ALPK2: variants seen among roughly 807,000 people sequenced by gnomAD.
The protein encoded by ALPK2 is alpha-protein kinase 2.
In ALPK2, 127 loss-of-function variants were observed where a neutral mutation model predicts 163.1. The observed-to-expected ratio is 0.78, with a 90% confidence interval of 0.67 to 0.90. ALPK2 has a LOEUF of 0.90. Ranked by LOEUF, ALPK2 falls within the 40% of genes least tolerant of loss-of-function variation. The probability of loss-of-function intolerance (pLI) is 0.00; values close to 1 mark genes in which losing one functional copy is unlikely to be tolerated. For missense variants in ALPK2, 2,360 were observed against 2,589.6 expected, an observed-to-expected ratio of 0.91 and a Z score of 1.92; for synonymous variants, 953 against 959.1, an observed-to-expected ratio of 0.99 and a Z score of 0.12.
chr18:58,621,307 C>T (rs775520385), intron 1 of ALPK2, among the ~76,000 whole-genome samples: 2 of 150,048 alleles, frequency 1.3e-5, no homozygotes, highest in South Asian at 2.1e-4. Context: ...CGGAGTCTCG[C>T]TCTGTCACCC....
chr18:58,620,294 A>G (rs565047114), intron 1 of ALPK2, among the ~76,000 whole-genome samples: 120 of 152,356 alleles, frequency 7.9e-4, no homozygotes, highest in African/African-American at 2.8e-3. Context: ...CCTTCTCAAA[A>G]CAAAAAAACA....
intron 4 of ALPK2, among the ~76,000 whole-genome samples, chr18:58,550,984 A>C (rs1299109532): frequency 6.6e-6 from 1 of 151,284 alleles, no homozygotes; most frequent in African/African-American, 2.4e-5. Flanking sequence ...CCCTACCTCT[A>C]TCATATACAA....
At chr18:58,486,665 C>T (rs1252986305) in intron 12 of ALPK2, among the ~76,000 whole-genome samples, 1 of 152,208 alleles carries the variant, frequency 6.6e-6, no homozygotes, top group Non-Finnish European at 1.5e-5. Flanking sequence ...CTGTCTTTCT[C>T]AGGTGCAGAC....
Position 58,515,106 on chromosome 18 carries a change from G to A in ALPK2, c.5941-25C>T, listed in dbSNP as rs1277008563. 1.9e-6 allele frequency: 3 copies of A among 1,565,406 alleles called. No individual in the cohort carries two copies. The African/African-American group carries it at 4.1e-5, about 21-fold the overall frequency. ...CCTATATCGCCAAAATACATAGAAA[G>A]CCCCAGTGACTACAGGAAATTCAGA... On this transcript the variant is annotated intron_variant, in intron 9 of 12. Coordinates refer to ENST00000361673, the MANE Select transcript of ALPK2 (RefSeq NM_052947.4).
chr18:58,524,647 G>A (rs978395299), intron 6 of ALPK2, among the ~76,000 whole-genome samples: 7 of 152,204 alleles, frequency 4.6e-5, no homozygotes, highest in African/African-American at 1.4e-4. Context: ...GATGATGACA[G>A]TGATGATGAT....
At chr18:58,602,994 G>A (rs2052078955) in intron 3 of ALPK2, among the ~76,000 whole-genome samples, 1 of 152,180 alleles carries the variant, frequency 6.6e-6, no homozygotes, top group Non-Finnish European at 1.5e-5. Flanking sequence ...AAAAATAGGA[G>A]GCACCCTCAG....
In ALPK2 at chr18:58,503,927, T is replaced by A. The variant is rs1568068293; in HGVS notation, c.6247+4A>T. The A allele has an allele frequency of 6.2e-7, 1 of 1,611,152 alleles. No individual in the cohort carries two copies. Among genetic ancestry groups the A allele is most frequent in the Non-Finnish European group, 8.5e-7 (1 of 1,178,302 alleles). ...TGGAGCCTGGGCTAAGCTGCTTTCC[T>A]CACCTTGCATGTCCGTCACCAGGAG... On this transcript the variant is annotated splice_donor_region_variant and intron_variant, in intron 11 of 12. Transcript: ENST00000361673.
intron 1 of ALPK2, among the ~76,000 whole-genome samples, chr18:58,624,329 G>A (rs1196241772): frequency 6.6e-6 from 1 of 152,206 alleles, no homozygotes; most frequent in Non-Finnish European, 1.5e-5. Flanking sequence ...CCAAAACAGA[G>A]ATGAGCAGAG....
In ALPK2 at chr18:58,481,909, G is replaced by A; in HGVS notation, c.6427C>T (p.Pro2143Ser). Residue 2143 changes from proline to serine, a missense_variant, in exon 13 of 13, where the codon CCG becomes TCG. Coordinates refer to ENST00000361673, the MANE Select transcript of ALPK2 (RefSeq NM_052947.4). ...LQNNNQKQKQPSIGKSKVQTN... is the reference protein window; with the variant it reads ...LQNNNQKQKQSSIGKSKVQTN... ...TGAACTTTGCTTTTCCCAATGCTCGGCTGCTTCTGTTTCTGGTTGTTGTTT... is the reference window on the plus strand; with the variant it reads ...TGAACTTTGCTTTTCCCAATGCTCGACTGCTTCTGTTTCTGGTTGTTGTTT... 1 of 1,614,130 alleles carries A rather than the reference G, an allele frequency of 6.2e-7. No individual in the cohort carries two copies. The highest frequency in any genetic ancestry group is 8.5e-7 in the Non-Finnish European group (1 of 1,180,040).
chr18:58,594,999 GA>G (rs368695473), intron 3 of ALPK2, among the ~76,000 whole-genome samples: 372 of 152,314 alleles, frequency 2.4e-3, no homozygotes, highest in African/African-American at 7.9e-3. Flanking sequence ...TCTCTGTTCA[GA>G]AACCCTCTTA....
At chr18:58,507,330 C>T (rs552532667) in intron 10 of ALPK2, among the ~76,000 whole-genome samples, 24 of 152,218 alleles carry the variant, frequency 1.6e-4, no homozygotes, top group South Asian at 2.1e-4. Context: ...GGGCAAAACC[C>T]CACAAAGAGC....
intron 10 of ALPK2, chr18:58,511,574 G>T (rs549445674): frequency 3.6e-4 from 53 of 149,020 alleles, no homozygotes; most frequent in African/African-American, 1.2e-3. Flanking sequence ...AAGGCTTTAC[G>T]TGGTTATTAA....
chr18:58,552,596 C>G (rs975665542), intron 4 of ALPK2, among the ~76,000 whole-genome samples: 10 of 152,188 alleles, frequency 6.6e-5, no homozygotes, highest in African/African-American at 2.4e-4. Context: ...TCAACAAATA[C>G]TTGTTGAAAG....
chr18:58,567,170 G>A (rs1196642179), intron 4 of ALPK2, among the ~76,000 whole-genome samples: 1 of 151,854 alleles, frequency 6.6e-6, no homozygotes, highest in African/African-American at 2.4e-5. Context: ...CAGATCACCT[G>A]AGGTCAGGAG....
chr18:58,620,511 CA>C (rs1555678501), intron 1 of ALPK2, among the ~76,000 whole-genome samples: 1 of 151,982 alleles, frequency 6.6e-6, no homozygotes, highest in Non-Finnish European at 1.5e-5. Context: ...GAGGTGAGGG[CA>C]GTGGGGAGAA....
intron 3 of ALPK2, among the ~76,000 whole-genome samples, chr18:58,597,531 T>C (rs1015655375): frequency 1.3e-5 from 2 of 152,190 alleles, no homozygotes; most frequent in African/African-American, 4.8e-5. Flanking sequence ...AAGTAAGAGA[T>C]GAGGCCAAGA....
At chr18:58,582,302 T>C (rs766169023) in intron 3 of ALPK2, among the ~76,000 whole-genome samples, 3 of 152,186 alleles carry the variant, frequency 2.0e-5, no homozygotes, top group Non-Finnish European at 2.9e-5. Context: ...CAAAGATATC[T>C]CTGGTGCTGA....
chr18:58,524,218 A>G (rs1458036563), intron 6 of ALPK2, among the ~76,000 whole-genome samples, 156 bp from the exon 7 acceptor site: 1 of 152,246 alleles, frequency 6.6e-6, no homozygotes, highest in Non-Finnish European at 1.5e-5. Flanking sequence ...CTGTTTAAAT[A>G]ATTGATTTAT....
chr18:58,495,674 G>A (rs1022718301), intron 12 of ALPK2, among the ~76,000 whole-genome samples: 3 of 152,024 alleles, frequency 2.0e-5, no homozygotes, highest in Admixed American at 1.3e-4. Flanking sequence ...CTTTGTTTTG[G>A]TAGAGAGTTG....
Sources: gnomAD v4.1 joint callset for allele counts (sites outside exome capture counted in the v4.1 genomes callset) on GRCh38, gnomAD v4.1.1 for gene constraint, MANE v1.5 for transcripts, NCBI Gene and HGNC (gene_info 2026-07-23, HGNC 2026-07-21) for gene names.